Variants in WASHC3 observed in about 807,000 individuals in gnomAD.
WASHC3 encodes WASH complex subunit 3.
Under a neutral mutation model 26.1 loss-of-function variants are expected in WASHC3, and 24 were observed. The ratio of observed to expected loss-of-function variants is 0.92; its 90% CI spans 0.66 to 1.29. The LOEUF is 1.29. Ranked by LOEUF, WASHC3 falls within the 50% of genes most tolerant of loss-of-function variation. WASHC3 has a pLI of 0.00. For synonymous variants in WASHC3, 77 were observed against 75.7 expected (o/e 1.02, Z -0.09); for missense variants, 214 against 229.6 (o/e 0.93, Z 0.44).
intron 4 of WASHC3, among the ~76,000 whole-genome samples, chr12:102,042,680 G>T (rs1223257571): frequency 6.6e-6 from 1 of 152,136 alleles, no homozygotes; most frequent in Non-Finnish European, 1.5e-5. Flanking sequence ...TGCATGCCTT[G>T]GTACACAGAA....
chr12:102,017,344 C>T (rs1310612154), intron 6 of WASHC3, among the ~76,000 whole-genome samples: 1 of 152,048 alleles, frequency 6.6e-6, no homozygotes, highest in Non-Finnish European at 1.5e-5. Flanking sequence ...AAGCGATGCA[C>T]GGCTGTATAT....
intron 5 of WASHC3, among the ~76,000 whole-genome samples, chr12:102,031,116 A>G (rs938209839): frequency 6.6e-6 from 1 of 152,228 alleles, no homozygotes; most frequent in South Asian, 2.1e-4. Flanking sequence ...TAAAACTGGC[A>G]TAATCATTCT....
Position 102,025,945 on chromosome 12 carries a change from A to G in WASHC3, c.500+29T>C. Reference sequence around the variant, plus strand: ...CTGACAAATTCAATGTCCTGGCAATAATATCATTATATTAGAAGAATTACT... The same window carrying G: ...CTGACAAATTCAATGTCCTGGCAATGATATCATTATATTAGAAGAATTACT... On this transcript the variant is annotated intron_variant, in intron 6 of 6. Transcript: ENST00000240079. The G allele has an allele frequency of 3.7e-6, 4 of 1,070,086 alleles. 1 individual carries two copies. In the South Asian group the frequency reaches 5.7e-5, roughly 15 times the overall value. 66.3% of individuals were successfully genotyped at this position (1,070,086 alleles called of 1,614,324 possible).
At chr12:102,051,835 A>G (rs1277346033) in intron 2 of WASHC3, among the ~76,000 whole-genome samples, 3 of 152,252 alleles carry the variant, frequency 2.0e-5, no homozygotes. Flanking sequence ...TGACTGCGAT[A>G]ATTAAATACA....
At chr12:102,014,265 A>G (rs10860830) in intron 6 of WASHC3, among the ~76,000 whole-genome samples, 91,383 of 151,184 alleles carry the variant, frequency 0.6, 28,557 homozygotes, top group African/African-American at 0.77. Context: ...TAGAGACGGG[A>G]TTTCACCATG....
intron 2 of WASHC3, among the ~76,000 whole-genome samples, chr12:102,048,585 GA>G (rs1207566075): frequency 1.3e-5 from 2 of 150,704 alleles, no homozygotes; most frequent in Non-Finnish European, 3.0e-5. Context: ...AAAAGAAAAA[GA>G]AAAAAAATCA....
At chr12:102,055,439 A>T (rs1878555430) in intron 2 of WASHC3, among the ~76,000 whole-genome samples, 1 of 152,122 alleles carries the variant, frequency 6.6e-6, no homozygotes, top group Non-Finnish European at 1.5e-5. Context: ...TCCACCTCCC[A>T]GGTTCAAGTG....
chr12:102,032,238 A>G (rs1877466975), intron 5 of WASHC3, among the ~76,000 whole-genome samples: 1 of 152,170 alleles, frequency 6.6e-6, no homozygotes, highest in Non-Finnish European at 1.5e-5. Context: ...TTCACATTTT[A>G]AGCCAGCCAA....
intron 5 of WASHC3, among the ~76,000 whole-genome samples, chr12:102,035,468 T>C (rs996039898): frequency 2.6e-5 from 4 of 152,216 alleles, no homozygotes; most frequent in Non-Finnish European, 5.9e-5. Flanking sequence ...GGAGTGAATT[T>C]ATAGATGGTT....
At chr12:102,034,915 CA>C (rs1444776760) in intron 5 of WASHC3, among the ~76,000 whole-genome samples, 1 of 151,632 alleles carries the variant, frequency 6.6e-6, no homozygotes, top group Non-Finnish European at 1.5e-5. Context: ...ACTGGCATTT[CA>C]AAGAAATGTC....
chr12:102,023,286 T>C (rs891079904), intron 6 of WASHC3, among the ~76,000 whole-genome samples: 1 of 152,204 alleles, frequency 6.6e-6, no homozygotes, highest in South Asian at 2.1e-4. Flanking sequence ...CTGATCAGTA[T>C]TTATTTCTAT....
Position 102,037,404 on chromosome 12 carries a change from T to C in WASHC3, c.435+2464A>G, listed in dbSNP as rs1386217452. Among the ~76,000 whole-genome samples the C allele has an allele frequency of 2.0e-5, 3 of 152,006 alleles. No homozygotes were observed. In the East Asian group the frequency reaches 5.8e-4, roughly 29 times the overall value. ...TACAGCAGAGAAGGCGTAAAGGGAATTGGGTAGGAGGACACTGCAATTTAA... is the reference window on the plus strand; with the variant it reads ...TACAGCAGAGAAGGCGTAAAGGGAACTGGGTAGGAGGACACTGCAATTTAA... On this transcript the variant is annotated intron_variant, in intron 5 of 6. Transcript: ENST00000240079.
chr12:102,033,656 G>A (rs1877529844), intron 5 of WASHC3, among the ~76,000 whole-genome samples: 1 of 151,700 alleles, frequency 6.6e-6, no homozygotes, highest in African/African-American at 2.4e-5. Context: ...GCATAGAGAT[G>A]GTTATTCTTA....
chr12:102,060,172 T>A (rs1226325859), intron 2 of WASHC3, among the ~76,000 whole-genome samples: 1 of 152,248 alleles, frequency 6.6e-6, no homozygotes, highest in Non-Finnish European at 1.5e-5. Context: ...CTTGTGAATA[T>A]CTAAGTCCCA....
intron 5 of WASHC3, among the ~76,000 whole-genome samples, chr12:102,033,516 C>T (rs991361209): frequency 3.9e-5 from 6 of 152,014 alleles, no homozygotes; most frequent in African/African-American, 1.4e-4. Context: ...GGTATTAAGA[C>T]TCTTCTTATG....
chr12:102,062,069 G>C, upstream of WASHC3: 2 of 930,946 alleles, frequency 2.1e-6, no homozygotes, highest in Non-Finnish European at 3.3e-6. Context: ...GCCCGCCTCC[G>C]GGGCCCTTCC....
chr12:102,061,161 T>C (rs1878793496), intron 2 of WASHC3, 87 bp downstream of exon 2: 1 of 845,592 alleles, frequency 1.2e-6, no homozygotes, highest in African/African-American at 1.7e-5. Flanking sequence ...GAATAAAGAC[T>C]GTAATTCTTG....
chr12:102,033,842 A>T (rs1877539474), intron 5 of WASHC3, among the ~76,000 whole-genome samples: 1 of 151,828 alleles, frequency 6.6e-6, no homozygotes, highest in African/African-American at 2.4e-5. Flanking sequence ...TATAAGCTGT[A>T]GTCATATGTA....
At chr12:102,018,676 C>T (rs1355722096) in intron 6 of WASHC3, among the ~76,000 whole-genome samples, 1 of 152,192 alleles carries the variant, frequency 6.6e-6, no homozygotes, top group Non-Finnish European at 1.5e-5. Flanking sequence ...CACTTTGTTG[C>T]CCAATCTGGT....
Sources: gnomAD v4.1 joint callset for allele counts (sites outside exome capture counted in the v4.1 genomes callset) on GRCh38, gnomAD v4.1.1 for gene constraint, MANE v1.5 for transcripts, NCBI Gene and HGNC (gene_info 2026-07-23, HGNC 2026-07-21) for gene names.